GPC5: variants seen among roughly 807,000 people sequenced by gnomAD.
The protein encoded by GPC5 is glypican-5.
Under a neutral mutation model 53.9 loss-of-function variants are expected in GPC5, and 47 were observed. The ratio of observed to expected loss-of-function variants is 0.87; its 90% confidence interval spans 0.69 to 1.11. GPC5 has a LOEUF of 1.11. Among genes scored for constraint, GPC5 ranks in the 50% most tolerant of loss-of-function variants. The pLI is 0.00. For missense variants in GPC5, 748 were observed against 713.1 expected (o/e 1.05, Z -0.56); for synonymous variants, 286 against 263.3 (o/e 1.09, Z -0.84).
At chr13:92,150,665 A>G (rs1483165640) in intron 7 of GPC5, among the ~76,000 whole-genome samples, 2 of 151,984 alleles carry the variant, frequency 1.3e-5, no homozygotes, top group East Asian at 3.9e-4. Flanking sequence ...CTAAGTGATT[A>G]TTTTCATTGC....
intron 6 of GPC5, among the ~76,000 whole-genome samples, chr13:91,928,528 C>T (rs1463859044): frequency 6.6e-6 from 1 of 152,140 alleles, no homozygotes; most frequent in Non-Finnish European, 1.5e-5. Flanking sequence ...TCACACTGCA[C>T]ATTTCATGTT....
chr13:91,873,576 A>G (rs1420429090), intron 5 of GPC5, among the ~76,000 whole-genome samples: 2 of 152,172 alleles, frequency 1.3e-5, no homozygotes, highest in Non-Finnish European at 2.9e-5. Flanking sequence ...CATGTGAGAC[A>G]TGGCTTTCAC....
intron 5 of GPC5, among the ~76,000 whole-genome samples, chr13:91,869,326 T>C: frequency 6.6e-6 from 1 of 152,130 alleles, no homozygotes; most frequent in Non-Finnish European, 1.5e-5. Flanking sequence ...CCCAAAGTGC[T>C]GGGATTATAG....
chr13:91,884,198 A>C (rs1240122201), intron 5 of GPC5, among the ~76,000 whole-genome samples: 1 of 152,194 alleles, frequency 6.6e-6, no homozygotes, highest in African/African-American at 2.4e-5. Context: ...GTGGTTCATC[A>C]AAGACCTAAA....
chr13:92,632,124 A>C (rs1193736182), intron 7 of GPC5, among the ~76,000 whole-genome samples: 3 of 152,182 alleles, frequency 2.0e-5, no homozygotes, highest in Non-Finnish European at 4.4e-5. Context: ...TTTACACACA[A>C]AAGTCAGGGC....
intron 6 of GPC5, among the ~76,000 whole-genome samples, chr13:92,009,285 T>TGTGTGTGTGTGTGTGTGTG (rs1594721385): frequency 1.3e-5 from 2 of 150,918 alleles, no homozygotes; most frequent in Non-Finnish European, 3.0e-5. Context: ...TGTGTGTGTG[T>TGTGTGTGTGTGTGTGTGTG]TTCAATATGG....
chr13:92,685,543 C>CATTTTTTTTTTTTTTTA (rs1887238716), intron 7 of GPC5, among the ~76,000 whole-genome samples: 12 of 64,984 alleles, frequency 1.8e-4, no homozygotes, highest in Middle Eastern at 8.9e-3. Context: ...AAATTATGCT[C>CATTTTTTTTTTTTTTTA]ATTTTTTTTT....
chr13:91,981,374 C>T (rs1328114307), intron 6 of GPC5, among the ~76,000 whole-genome samples: 7 of 151,900 alleles, frequency 4.6e-5, no homozygotes, highest in African/African-American at 1.7e-4. Context: ...ACTGCAAGCT[C>T]CGCCTCCCGG....
At chr13:91,549,747 A>T (rs1199357013) in intron 2 of GPC5, among the ~76,000 whole-genome samples, 2 of 152,152 alleles carry the variant, frequency 1.3e-5, no homozygotes, top group African/African-American at 4.8e-5. Context: ...AGAATCCAGA[A>T]CACTGACCCA....
At chr13:92,840,527 C>G (rs1321637461) in intron 7 of GPC5, among the ~76,000 whole-genome samples, 1 of 152,020 alleles carries the variant, frequency 6.6e-6, no homozygotes, top group Non-Finnish European at 1.5e-5. Flanking sequence ...ATTTTAATAT[C>G]AAGACATGTA....
At chr13:91,409,468 G>A (rs191826825) in intron 1 of GPC5, among the ~76,000 whole-genome samples, 1 of 152,242 alleles carries the variant, frequency 6.6e-6, no homozygotes, top group East Asian at 1.9e-4. Context: ...CCTTTGATAA[G>A]TTCAGAAGCA....
chr13:91,549,486 A>G (rs1391550108), intron 2 of GPC5, among the ~76,000 whole-genome samples: 1 of 152,140 alleles, frequency 6.6e-6, no homozygotes, highest in African/African-American at 2.4e-5. Context: ...GGGAGAAAAT[A>G]TTTGAATATT....
intron 7 of GPC5, among the ~76,000 whole-genome samples, chr13:92,230,690 C>T (rs2042523439): frequency 6.6e-6 from 1 of 151,994 alleles, no homozygotes; most frequent in Non-Finnish European, 1.5e-5. Context: ...TACAAATAAT[C>T]AGAAATAGAT....
chr13:91,601,379 T>C (rs2033175411), intron 2 of GPC5, among the ~76,000 whole-genome samples: 1 of 152,040 alleles, frequency 6.6e-6, no homozygotes, highest in Non-Finnish European at 1.5e-5. Context: ...GACATAAGAT[T>C]AGAGATAAAA....
intron 7 of GPC5, chr13:92,509,672 C>G (rs1017595855): frequency 1.6e-4 from 24 of 152,060 alleles, no homozygotes; most frequent in African/African-American, 5.6e-4. Flanking sequence ...CCAAGGAAGA[C>G]AGAAATAACT....
chr13:92,782,387 G>T (rs1876059505), intron 7 of GPC5, among the ~76,000 whole-genome samples: 1 of 152,124 alleles, frequency 6.6e-6, no homozygotes, highest in South Asian at 2.1e-4. Context: ...GGTCACTGCA[G>T]CCCGTGCTAA....
At chr13:92,602,233 C>CATATATATATATATATATATATATAT (rs149450440) in intron 7 of GPC5, among the ~76,000 whole-genome samples, 1 of 119,496 alleles carries the variant, frequency 8.4e-6, no homozygotes, top group Non-Finnish European at 1.7e-5. Context: ...ATATATATAA[C>CATATATATATATATATATATATATAT]ATATATATAT....
At chr13:91,980,214 GA>G (rs2040345023) in intron 6 of GPC5, among the ~76,000 whole-genome samples, 1 of 152,262 alleles carries the variant, frequency 6.6e-6, no homozygotes, top group African/African-American at 2.4e-5. Flanking sequence ...ATATCTCCTA[GA>G]AAAAGTTCTA....
chr13:92,755,331 T>G (rs1203585617), intron 7 of GPC5, among the ~76,000 whole-genome samples: 43 of 135,436 alleles, frequency 3.2e-4, no homozygotes, highest in Non-Finnish European at 5.3e-4. Flanking sequence ...TTCAAAGCAG[T>G]GTGTAGAGGG....
Sources: allele counts gnomAD v4.1 joint callset (sites outside exome capture counted in the v4.1 genomes callset), GRCh38; gene constraint gnomAD v4.1.1; transcripts MANE v1.5; gene names NCBI Gene and HGNC (gene_info 2026-07-23, HGNC 2026-07-21).